The following ZNF676 variants were observed in gnomAD, a reference collection of about 807,000 sequenced individuals.
The protein encoded by ZNF676 is zinc finger protein 676.
ZNF676 carries 4 observed loss-of-function variants against 6.0 expected under a neutral mutation model. That is an observed-to-expected ratio of 0.67 (90% CI 0.33 to 1.53). The LOEUF (loss-of-function observed/expected upper bound fraction) is 1.53. ZNF676 is among the 40% of genes most tolerant of loss of function. The probability of loss-of-function intolerance (pLI) is 0.06; values close to 1 mark genes in which losing one functional copy is unlikely to be tolerated. For synonymous variants in ZNF676, 198 were observed against 223.1 expected (o/e 0.89, Z 1.00); for missense variants, 644 against 679.7 (o/e 0.95, Z 0.58).
rs2024129456 is a variant in ZNF676 at position 22,211,546 on chromosome 19, G to A, written c.3+4086C>T. ...TTGTACCTCAGTAAGAGAAGCAAAT[G>A]TATTTATTTCTTTTGGACAATAAAG... On this transcript the variant is annotated intron_variant, in intron 1 of 3. Coordinates refer to the ZNF676 transcript ENST00000650058. Among the ~76,000 whole-genome samples, 4 of 152,054 alleles carry A rather than the reference G, an allele frequency of 2.6e-5. No homozygotes were observed. The South Asian group carries it at 8.3e-4, about 32-fold the overall frequency.
chr19:22,247,944 T>G, the ZNF676 span, among the ~76,000 whole-genome samples: 1 of 138,760 alleles, frequency 7.2e-6, no homozygotes, highest in Admixed American at 7.3e-5. Flanking sequence ...CCCCTTCCTG[T>G]GTCCAAGTGT....
upstream of ZNF676, among the ~76,000 whole-genome samples, chr19:22,197,811 C>T (rs2023983985): frequency 6.6e-6 from 1 of 152,086 alleles, no homozygotes; most frequent in African/African-American, 2.4e-5. Flanking sequence ...GATTTATTAA[C>T]ATCAATTACA....
the ZNF676 span, among the ~76,000 whole-genome samples, chr19:22,232,815 C>G: frequency 6.6e-6 from 1 of 151,980 alleles, no homozygotes; most frequent in African/African-American, 2.4e-5. Context: ...TATGAGCATG[C>G]TCCTGTTCAA....
the ZNF676 span, among the ~76,000 whole-genome samples, chr19:22,232,737 G>A: frequency 1.3e-5 from 2 of 151,728 alleles, no homozygotes; most frequent in African/African-American, 2.4e-5. Context: ...CCAAAATGAA[G>A]TGACAGTATG....
intron 2 of ZNF676, among the ~76,000 whole-genome samples, chr19:22,188,761 A>G (rs1023433643): frequency 5.3e-5 from 8 of 152,160 alleles, no homozygotes; most frequent in African/African-American, 1.9e-4. Flanking sequence ...CAATTGCTAC[A>G]AAGAGAATAA....
At chr19:22,258,781 G>T in the ZNF676 span, among the ~76,000 whole-genome samples, 3 of 152,132 alleles carry the variant, frequency 2.0e-5, no homozygotes, top group Non-Finnish European at 4.4e-5. Flanking sequence ...CCTAGGTCCT[G>T]AGTTCAGCGA....
the ZNF676 span, among the ~76,000 whole-genome samples, chr19:22,225,078 A>G: frequency 6.6e-6 from 1 of 152,278 alleles, no homozygotes; most frequent in African/African-American, 2.4e-5. Context: ...TACATCTTGT[A>G]AAACTAATAC....
At chr19:22,260,005 C>G in the ZNF676 span, among the ~76,000 whole-genome samples, 1 of 152,182 alleles carries the variant, frequency 6.6e-6, no homozygotes, top group Non-Finnish European at 1.5e-5. Flanking sequence ...AATTTGTCAG[C>G]TAAGACCTCA....
the ZNF676 span, among the ~76,000 whole-genome samples, chr19:22,248,352 A>T: frequency 6.6e-6 from 1 of 152,252 alleles, no homozygotes; most frequent in Non-Finnish European, 1.5e-5. Flanking sequence ...ACTAGTTTAC[A>T]GTCCCACCAA....
chr19:22,185,718 G>A (rs748102250), intron 2 of ZNF676, among the ~76,000 whole-genome samples: 4 of 152,134 alleles, frequency 2.6e-5, no homozygotes, highest in Non-Finnish European at 2.9e-5. Context: ...AACACAGCAC[G>A]AGAACTTTGT....
the ZNF676 span, among the ~76,000 whole-genome samples, chr19:22,228,027 C>T: frequency 6.6e-6 from 1 of 152,158 alleles, no homozygotes; most frequent in Admixed American, 6.5e-5. Context: ...CATCCTGATA[C>T]CAAAGCTGGC....
chr19:22,227,987 A>G, the ZNF676 span, among the ~76,000 whole-genome samples: 1 of 152,122 alleles, frequency 6.6e-6, no homozygotes, highest in African/African-American at 2.4e-5. Flanking sequence ...AGAAAGAGGG[A>G]CTCCTCCCTA....
intron 1 of ZNF676, among the ~76,000 whole-genome samples, chr19:22,209,776 A>G (rs950609250): frequency 2.6e-5 from 4 of 152,238 alleles, no homozygotes; most frequent in African/African-American, 9.6e-5. Flanking sequence ...ATGCAGCCAG[A>G]TAAGATTATG....
At chr19:22,185,909 G>A (rs1350929590) in intron 2 of ZNF676, among the ~76,000 whole-genome samples, 1 of 151,872 alleles carries the variant, frequency 6.6e-6, no homozygotes, top group Non-Finnish European at 1.5e-5. Flanking sequence ...GTTTGATTGG[G>A]GTACCTGAAA....
At chr19:22,230,578 A>G in the ZNF676 span, among the ~76,000 whole-genome samples, 1 of 151,586 alleles carries the variant, frequency 6.6e-6, no homozygotes, top group Non-Finnish European at 1.5e-5. Flanking sequence ...ACATAATCAT[A>G]TCTATATATG....
chr19:22,181,097 C>T lies in ZNF676; in HGVS notation c.620G>A (p.Ser207Asn), dbSNP rs1273102199. 4 of 1,606,736 alleles carry T rather than the reference C, an allele frequency of 2.5e-6. No homozygotes were observed. The highest frequency in any genetic ancestry group is 2.5e-6 in the Non-Finnish European group (3 of 1,177,212). Residue 207 changes from serine to asparagine, a missense_variant, in exon 3 of 3, where the codon AGT becomes AAT. Around this residue, in one of 5 missense-constraint regions of ZNF676, gnomAD observed 280 missense variants for 269.3 expected, o/e 1.04. Transcript: ENST00000397121. Reference protein sequence around the residue: ...YKCEECGKAFSKFSILTKHKV... With the variant: ...YKCEECGKAFNKFSILTKHKV... ...ATGTTTAGTAAGGATTGAGAACTTACTAAAGGCTTTGCCACATTCTTCACA... is the reference window on the plus strand; with the variant it reads ...ATGTTTAGTAAGGATTGAGAACTTATTAAAGGCTTTGCCACATTCTTCACA...
the ZNF676 span, among the ~76,000 whole-genome samples, chr19:22,246,160 C>T: frequency 6.6e-6 from 1 of 152,032 alleles, no homozygotes; most frequent in East Asian, 1.9e-4. Context: ...AGGCACATCA[C>T]ATAGGTGATT....
the ZNF676 span, among the ~76,000 whole-genome samples, chr19:22,249,926 G>C: frequency 6.6e-6 from 1 of 151,868 alleles, no homozygotes; most frequent in East Asian, 1.9e-4. Flanking sequence ...GCTCACACCT[G>C]TAATCCCAGC....
At position 22,179,868 on chromosome 19, in the gene ZNF676, G is replaced by A; in HGVS notation, c.*82C>T. The A allele has an allele frequency of 1.4e-6, 2 of 1,460,692 alleles. No homozygotes were observed. Among genetic ancestry groups the A allele is most frequent in the Non-Finnish European group, 1.9e-6 (2 of 1,051,332 alleles). 90.5% of individuals were successfully genotyped at this position (1,460,692 alleles called of 1,614,324 possible). ...AAGCTTTGCCACATTCTTCACCTTT[G>A]TAGATTTTCTCTCCAGTATGAATTT... On this transcript the variant is annotated 3_prime_UTR_variant, in exon 3 of 3. Transcript: ENST00000397121.
Sources: gnomAD v4.1 joint callset for allele counts (sites outside exome capture counted in the v4.1 genomes callset) on GRCh38, gnomAD v4.1.1 for gene constraint, gnomAD v4.1.1 regional missense constraint, MANE v1.5 for transcripts, NCBI Gene and HGNC (gene_info 2026-07-23, HGNC 2026-07-21) for gene names.